The following TRPM3 variants were observed in gnomAD, a reference collection of about 807,000 sequenced individuals.
The protein encoded by TRPM3 is long transient receptor potential channel 3.
A neutral mutation model predicts 181.2 loss-of-function variants in TRPM3; 77 were observed. That is an observed-to-expected ratio of 0.42 (90% CI 0.35 to 0.51). The LOEUF is 0.51. Among genes scored for constraint, TRPM3 ranks in the 20% least tolerant of loss-of-function variants. The probability of loss-of-function intolerance (pLI) is 0.01; values close to 1 mark genes in which losing one functional copy is unlikely to be tolerated. For synonymous variants in TRPM3, 745 were observed against 796.4 expected (o/e 0.94, Z 1.09); for missense variants, 1,759 against 2,196.7 (o/e 0.80, Z 3.98).
At chr9:71,336,274 C>A (rs1033432566) in intron 1 of TRPM3, among the ~76,000 whole-genome samples, 5 of 151,722 alleles carry the variant, frequency 3.3e-5, no homozygotes, top group African/African-American at 9.7e-5. Flanking sequence ...GATACAAAAC[C>A]AATGTGCAAA....
chr9:70,867,698 G>T (rs575443967), intron 1 of TRPM3, among the ~76,000 whole-genome samples: 1 of 152,076 alleles, frequency 6.6e-6, no homozygotes, highest in East Asian at 1.9e-4. Context: ...TAGAAAGAAT[G>T]CAGGTATAAC....
intron 1 of TRPM3, among the ~76,000 whole-genome samples, chr9:71,342,786 T>C (rs568454070): frequency 2.0e-5 from 3 of 152,238 alleles, no homozygotes; most frequent in East Asian, 3.9e-4. Flanking sequence ...GCTTCATTCA[T>C]AGTTGTAAAA....
At chr9:70,766,076 G>C (rs1405280169) in intron 7 of TRPM3, among the ~76,000 whole-genome samples, 1 of 152,082 alleles carries the variant, frequency 6.6e-6, no homozygotes, top group African/African-American at 2.4e-5. Context: ...TGTGATAGGA[G>C]GTGTAGTCAT....
chr9:70,544,036 G>C (rs917852353), intron 25 of TRPM3, among the ~76,000 whole-genome samples: 14 of 152,148 alleles, frequency 9.2e-5, no homozygotes, highest in African/African-American at 3.4e-4. Flanking sequence ...CCCTGTGTGG[G>C]CAGATGCTGC....
At chr9:71,367,541 T>C (rs1350407170) in intron 1 of TRPM3, among the ~76,000 whole-genome samples, 3 of 152,178 alleles carry the variant, frequency 2.0e-5, no homozygotes, top group African/African-American at 2.4e-5. Flanking sequence ...AGAAAAAGAA[T>C]ATTACATGAG....
At chr9:71,410,925 C>T (rs2093535458) in intron 1 of TRPM3, among the ~76,000 whole-genome samples, 1 of 152,182 alleles carries the variant, frequency 6.6e-6, no homozygotes, top group Non-Finnish European at 1.5e-5. Context: ...GGCTTCATCC[C>T]TGGGATGCAA....
intron 1 of TRPM3, among the ~76,000 whole-genome samples, chr9:71,034,196 G>A (rs79494606): frequency 6.6e-6 from 1 of 152,146 alleles, no homozygotes; most frequent in Non-Finnish European, 1.5e-5. Flanking sequence ...TGCCATGATA[G>A]CCTCATCTCA....
chr9:71,325,520 A>C (rs886711620), intron 1 of TRPM3, among the ~76,000 whole-genome samples: 15 of 152,192 alleles, frequency 9.9e-5, no homozygotes, highest in African/African-American at 3.6e-4. Context: ...CAGAGATTAT[A>C]AATGATAAAA....
At chr9:71,012,986 T>C (rs2097757763) in intron 1 of TRPM3, among the ~76,000 whole-genome samples, 1 of 152,146 alleles carries the variant, frequency 6.6e-6, no homozygotes, top group Admixed American at 6.5e-5. Flanking sequence ...TTTGTGTTTC[T>C]TCACTGATAC....
intron 1 of TRPM3, among the ~76,000 whole-genome samples, chr9:71,406,314 A>G (rs1357382056): frequency 6.6e-6 from 1 of 152,228 alleles, no homozygotes; most frequent in Non-Finnish European, 1.5e-5. Context: ...CAATACAAAT[A>G]TACTCTATAG....
intron 1 of TRPM3, among the ~76,000 whole-genome samples, chr9:70,865,929 C>T (rs1188491196): frequency 6.6e-6 from 1 of 152,072 alleles, no homozygotes; most frequent in Non-Finnish European, 1.5e-5. Context: ...TCTGCATTCT[C>T]ACACCACAAA....
At chr9:71,049,135 A>G (rs1447985698) in intron 1 of TRPM3, among the ~76,000 whole-genome samples, 3 of 152,180 alleles carry the variant, frequency 2.0e-5, no homozygotes, top group Middle Eastern at 6.8e-3. Context: ...CTACTCTATC[A>G]TCTTAGGTAC....
chr9:70,828,735 C>T (rs748197105), intron 5 of TRPM3, among the ~76,000 whole-genome samples: 10 of 141,690 alleles, frequency 7.1e-5, no homozygotes, highest in Non-Finnish European at 1.1e-4. Context: ...AACAGCAATA[C>T]CTATTGCGAG....
At chr9:70,865,105 A>AT (rs2132452316) in intron 1 of TRPM3, among the ~76,000 whole-genome samples, 1 of 151,980 alleles carries the variant, frequency 6.6e-6, no homozygotes, top group Non-Finnish European at 1.5e-5. Context: ...ATAGTCCAAA[A>AT]TTTTACAGGT....
chr9:70,837,079 G>C (rs750511972), intron 5 of TRPM3, among the ~76,000 whole-genome samples: 34 of 152,144 alleles, frequency 2.2e-4, no homozygotes, highest in Non-Finnish European at 4.9e-4. Flanking sequence ...GGGTGTCCTT[G>C]TCTCCGACCT....
intron 1 of TRPM3, among the ~76,000 whole-genome samples, chr9:70,923,170 A>G (rs1306925375): frequency 6.6e-6 from 1 of 152,216 alleles, no homozygotes; most frequent in African/African-American, 2.4e-5. Context: ...AGTTAATAAA[A>G]ACAAAAAAAG....
intron 1 of TRPM3, among the ~76,000 whole-genome samples, chr9:71,356,455 G>A (rs959444957): frequency 6.6e-6 from 1 of 152,102 alleles, no homozygotes; most frequent in African/African-American, 2.4e-5. Flanking sequence ...CTGTCTCTAT[G>A]CTATGAGACT....
intron 1 of TRPM3, among the ~76,000 whole-genome samples, chr9:71,172,524 A>G (rs2076917954): frequency 6.6e-6 from 1 of 152,046 alleles, no homozygotes; most frequent in African/African-American, 2.4e-5. Flanking sequence ...CTCCCACTTT[A>G]GCCTCTCGAG....
chr9:71,236,920 G>A (rs2081380285), intron 1 of TRPM3, among the ~76,000 whole-genome samples: 1 of 151,858 alleles, frequency 6.6e-6, no homozygotes, highest in South Asian at 2.1e-4. Flanking sequence ...GATGGTGGGT[G>A]CCTGTAATCC....
Sources: gnomAD v4.1 joint callset for allele counts (sites outside exome capture counted in the v4.1 genomes callset) on GRCh38, gnomAD v4.1.1 for gene constraint, MANE v1.5 for transcripts, NCBI Gene and HGNC (gene_info 2026-07-23, HGNC 2026-07-21) for gene names.